The following KCNT2 variants were observed in gnomAD, a reference collection of about 807,000 sequenced individuals.
The protein encoded by KCNT2 is potassium channel subfamily T member 2.
Under a neutral mutation model 153.8 loss-of-function variants are expected in KCNT2, and 67 were observed. The ratio of observed to expected loss-of-function variants is 0.44; its 90% CI spans 0.36 to 0.53. The LOEUF (loss-of-function observed/expected upper bound fraction) is 0.53. Among genes scored for constraint, KCNT2 ranks in the 20% least tolerant of loss-of-function variants. KCNT2 has a pLI of 0.00. For synonymous variants in KCNT2, 500 were observed against 458.8 expected (o/e 1.09, Z -1.15); for missense variants, 975 against 1,354.8 (o/e 0.72, Z 4.40).
chr1:196,538,425 C>A (rs965148712), intron 1 of KCNT2, among the ~76,000 whole-genome samples: 1 of 152,058 alleles, frequency 6.6e-6, no homozygotes, highest in Non-Finnish European at 1.5e-5. Context: ...GAAAAACATT[C>A]GAAGAATCAT....
At chr1:196,507,034 T>C (rs1034368801) in intron 1 of KCNT2, among the ~76,000 whole-genome samples, 2 of 152,054 alleles carry the variant, frequency 1.3e-5, no homozygotes, top group Admixed American at 6.6e-5. Flanking sequence ...AAGAGATGAG[T>C]AAATAATAAA....
intron 18 of KCNT2, among the ~76,000 whole-genome samples, chr1:196,330,314 A>G (rs1057048197): frequency 2.6e-5 from 4 of 151,928 alleles, no homozygotes; most frequent in Non-Finnish European, 5.9e-5. Flanking sequence ...TAAATTATAT[A>G]ATCCCTGTAA....
chr1:196,525,224 AAT>A, intron 1 of KCNT2, among the ~76,000 whole-genome samples: 1 of 152,248 alleles, frequency 6.6e-6, no homozygotes, highest in African/African-American at 2.4e-5. Flanking sequence ...ACGTAAAGCA[AAT>A]AAAAAAAAAA....
At chr1:196,275,657 C>A (rs1228879883) in intron 25 of KCNT2, among the ~76,000 whole-genome samples, 1 of 151,782 alleles carries the variant, frequency 6.6e-6, no homozygotes, top group Non-Finnish European at 1.5e-5. Context: ...AGATGACAGG[C>A]TGGAAAATGA....
intron 15 of KCNT2, among the ~76,000 whole-genome samples, chr1:196,341,846 T>G (rs539477707): frequency 1.3e-5 from 2 of 152,224 alleles, no homozygotes; most frequent in Admixed American, 1.3e-4. Flanking sequence ...TTAAAAAGAC[T>G]TTAAAAGTGG....
intron 12 of KCNT2, among the ~76,000 whole-genome samples, chr1:196,418,980 G>C (rs1558266600): frequency 1.3e-5 from 2 of 151,950 alleles, no homozygotes; most frequent in South Asian, 4.2e-4. Flanking sequence ...CTGGCACTGA[G>C]AGCCTGCTGT....
chr1:196,369,430 T>G (rs1426340498), intron 14 of KCNT2, among the ~76,000 whole-genome samples: 1 of 152,050 alleles, frequency 6.6e-6, no homozygotes, highest in Non-Finnish European at 1.5e-5. Context: ...ACCCACTAAC[T>G]CGTCATCTAG....
chr1:196,346,422 T>A (rs1271131081), intron 14 of KCNT2, among the ~76,000 whole-genome samples: 1 of 152,174 alleles, frequency 6.6e-6, no homozygotes, highest in Non-Finnish European at 1.5e-5. Context: ...TAATTTAAAA[T>A]AACTCCTTTA....
intron 26 of KCNT2, among the ~76,000 whole-genome samples, chr1:196,249,875 A>G (rs1352369478): frequency 1.3e-5 from 2 of 152,104 alleles, no homozygotes; most frequent in Non-Finnish European, 2.9e-5. Flanking sequence ...AAAATTAAAT[A>G]CCTAGGAACT....
At chr1:196,475,402 G>A (rs1678443218) in intron 5 of KCNT2, among the ~76,000 whole-genome samples, 1 of 152,054 alleles carries the variant, frequency 6.6e-6, no homozygotes, top group Admixed American at 6.6e-5. Context: ...CAGATCACTT[G>A]AGCCAAGGAG....
At chr1:196,412,700 T>G (rs1672439603) in intron 12 of KCNT2, among the ~76,000 whole-genome samples, 1 of 151,642 alleles carries the variant, frequency 6.6e-6, no homozygotes, top group Non-Finnish European at 1.5e-5. Flanking sequence ...TAGCTGATTT[T>G]GGAAATTTTG....
chr1:196,564,552 G>A (rs1659845414), intron 1 of KCNT2, among the ~76,000 whole-genome samples: 1 of 151,432 alleles, frequency 6.6e-6, no homozygotes, highest in Non-Finnish European at 1.5e-5. Context: ...TCAATCTTCA[G>A]CAAAAAGAAA....
chr1:196,309,289 T>C (rs1661931025), intron 21 of KCNT2, among the ~76,000 whole-genome samples: 2 of 152,016 alleles, frequency 1.3e-5, no homozygotes. Flanking sequence ...TAAACCAGTA[T>C]TCTCACTTTG....
chr1:196,334,759 T>C (rs72732234), intron 16 of KCNT2, among the ~76,000 whole-genome samples: 2,365 of 152,150 alleles, frequency 0.016, 65 homozygotes, highest in Middle Eastern at 0.02. Context: ...TTCTACAAGA[T>C]GAAACCTGTA....
At chr1:196,424,711 A>C (rs1279627504) in intron 11 of KCNT2, among the ~76,000 whole-genome samples, 2 of 151,946 alleles carry the variant, frequency 1.3e-5, no homozygotes, top group Non-Finnish European at 2.9e-5. Flanking sequence ...AAAAAACTCC[A>C]TTAAATCGAC....
chr1:196,386,100 C>T (rs534783333), intron 13 of KCNT2, among the ~76,000 whole-genome samples: 3 of 152,222 alleles, frequency 2.0e-5, no homozygotes, highest in Admixed American at 6.5e-5. Flanking sequence ...GAAAGGTCCA[C>T]ATGTAAGAAA....
intron 13 of KCNT2, among the ~76,000 whole-genome samples, chr1:196,387,205 T>C (rs2148396638): frequency 6.6e-6 from 1 of 152,154 alleles, no homozygotes; most frequent in East Asian, 1.9e-4. Context: ...AAGTGAATTA[T>C]AAAGTTCTTC....
chr1:196,435,143 A>G (rs1351821585), intron 8 of KCNT2, among the ~76,000 whole-genome samples: 28 of 87,790 alleles, frequency 3.2e-4, no homozygotes, highest in Admixed American at 1.1e-3. Context: ...GTGTATGTAT[A>G]TATATATATA....
intron 8 of KCNT2, among the ~76,000 whole-genome samples, chr1:196,456,923 G>A (rs1430803457): frequency 2.0e-5 from 3 of 151,964 alleles, no homozygotes; most frequent in Admixed American, 1.3e-4. Flanking sequence ...GAATGTGGAT[G>A]TTAATGCATA....
Sources: gnomAD v4.1 joint callset for allele counts (sites outside exome capture counted in the v4.1 genomes callset) on GRCh38, gnomAD v4.1.1 for gene constraint, MANE v1.5 for transcripts, NCBI Gene and HGNC (gene_info 2026-07-23, HGNC 2026-07-21) for gene names.